The following UNC79 variants were observed in gnomAD, a reference collection of about 807,000 sequenced individuals.
UNC79 encodes the protein protein unc-79 homolog.
A neutral mutation model predicts 283.1 loss-of-function variants in UNC79; 37 were observed. The observed-to-expected ratio is 0.13, with a 90% confidence interval of 0.10 to 0.17. The LOEUF (loss-of-function observed/expected upper bound fraction) is 0.17, where lower values mean the gene tolerates loss of function less well. UNC79 is among the 10% of genes least tolerant of loss of function. The pLI is 1.00. For synonymous variants in UNC79, 1,107 were observed against 1,200.2 expected (o/e 0.92, Z 1.61); for missense variants, 2,272 against 3,211.1 (o/e 0.71, Z 7.07).
intron 1 of UNC79, among the ~76,000 whole-genome samples, chr14:93,367,677 A>T (rs1392943857): frequency 6.6e-6 from 1 of 152,196 alleles, no homozygotes; most frequent in Non-Finnish European, 1.5e-5. Context: ...ATTTTAAAAG[A>T]TTAGTAATCA....
At chr14:93,658,879 C>T (rs1204942131) in intron 38 of UNC79, among the ~76,000 whole-genome samples, 1 of 152,162 alleles carries the variant, frequency 6.6e-6, no homozygotes, top group Non-Finnish European at 1.5e-5. Flanking sequence ...TCCATCCATC[C>T]ATCCACCCAT....
chr14:93,611,470 G>T (rs972708087), intron 26 of UNC79, among the ~76,000 whole-genome samples: 1 of 152,182 alleles, frequency 6.6e-6, no homozygotes, highest in African/African-American at 2.4e-5. Flanking sequence ...GTCTGAACTG[G>T]TAAATTCCGA....
rs374513703 is a variant in UNC79, at chr14:93,706,684, C to T, written c.7591-20C>T. ...CCCGTGAAAAGAAATAAACTAAAAC[C>T]TCTTGCCCTTTTTCGACAGCACTTA... On this transcript the variant is annotated intron_variant, in intron 48 of 48. Transcript: ENST00000555664. 1.8e-5 allele frequency: 29 copies of T among 1,613,750 alleles called. No individual in the cohort carries two copies. In the African/African-American group the frequency reaches 2.1e-4, roughly 12 times the overall value.
At chr14:93,366,617 G>A (rs550994412) in intron 1 of UNC79, among the ~76,000 whole-genome samples, 7 of 150,622 alleles carry the variant, frequency 4.6e-5, no homozygotes, top group African/African-American at 1.7e-4. Flanking sequence ...CTGTCACCCA[G>A]GCTGGAGTAC....
intron 1 of UNC79, among the ~76,000 whole-genome samples, chr14:93,354,324 A>G (rs1386656617): frequency 6.6e-6 from 1 of 152,184 alleles, no homozygotes; most frequent in Non-Finnish European, 1.5e-5. Context: ...AAAATCTGAA[A>G]TCCAAAATGC....
rs150119263 is a variant in UNC79 at position 93,431,503 on chromosome 14, G to GT, written c.22+455dup. Among the ~76,000 whole-genome samples, 763 of 152,058 alleles carry GT rather than the reference G, an allele frequency of 5.0e-3. 7 individuals are homozygous for GT. Among genetic ancestry groups the GT allele is most frequent in the African/African-American group, 0.017 (704 of 41,474 alleles). On this transcript the variant is annotated intron_variant, in intron 1 of 48. Coordinates refer to ENST00000555664, the Ensembl canonical transcript of UNC79. ...TTCTTGGTGCTGGAGCCATAGGGGA[G>GT]TTTGAGTCTGCAGTTTCCACTTCGG... is the stretch of plus-strand genomic sequence containing the variant.
At chr14:93,454,048 CT>C (rs35564821) in intron 1 of UNC79, among the ~76,000 whole-genome samples, 92,246 of 137,054 alleles carry the variant, frequency 0.67, 30,649 homozygotes, top group Middle Eastern at 0.76. Context: ...CTTTTTAAAT[CT>C]TTTTTTTTTT....
At chr14:93,374,437 T>G (rs1454952141) in intron 1 of UNC79, among the ~76,000 whole-genome samples, 1 of 152,246 alleles carries the variant, frequency 6.6e-6, no homozygotes, top group Non-Finnish European at 1.5e-5. Flanking sequence ...GGTTTCCGAC[T>G]TGCTTGGGGC....
chr14:93,539,892 A>C (rs1368101132), intron 12 of UNC79, among the ~76,000 whole-genome samples: 3 of 152,218 alleles, frequency 2.0e-5, no homozygotes, highest in Non-Finnish European at 4.4e-5. Context: ...TAATCTAGCT[A>C]TAACTTACTT....
chr14:93,662,784 T>A (rs1283511118), intron 40 of UNC79, 70 bp downstream of exon 43: 4 of 1,235,166 alleles, frequency 3.2e-6, no homozygotes, highest in East Asian at 2.5e-5. Context: ...TTTGAATCAG[T>A]GTCAAGTCCC....
intron 1 of UNC79, among the ~76,000 whole-genome samples, chr14:93,371,935 T>G (rs2054460667): frequency 6.6e-6 from 1 of 151,790 alleles, no homozygotes; most frequent in Non-Finnish European, 1.5e-5. Context: ...AGAAATAAAC[T>G]CCTATAACCT....
At chr14:93,682,182 A>G (rs2073900591) in intron 41 of UNC79, among the ~76,000 whole-genome samples, 1 of 152,178 alleles carries the variant, frequency 6.6e-6, no homozygotes. Flanking sequence ...CCCTGTGGGG[A>G]AGAAACAGGT....
chr14:93,671,209 T>C (rs865861350), intron 40 of UNC79, among the ~76,000 whole-genome samples: 7 of 152,256 alleles, frequency 4.6e-5, no homozygotes, highest in African/African-American at 1.7e-4. Context: ...AAGATAACAT[T>C]ACAGAAAGTT....
intron 1 of UNC79, among the ~76,000 whole-genome samples, chr14:93,384,648 G>C (rs1394950193): frequency 6.6e-6 from 1 of 152,142 alleles, no homozygotes; most frequent in Non-Finnish European, 1.5e-5. Context: ...CCATTCTGTG[G>C]GTTGTCTCTT....
At chr14:93,600,068 C>T (rs1045574966) in intron 24 of UNC79, among the ~76,000 whole-genome samples, 10 of 152,106 alleles carry the variant, frequency 6.6e-5, no homozygotes, top group Non-Finnish European at 1.2e-4. Flanking sequence ...GGCGTGGTGG[C>T]GGGCGCCTGT....
intron 46 of UNC79, among the ~76,000 whole-genome samples, chr14:93,693,648 A>G (rs1209397041): frequency 1.3e-5 from 2 of 152,180 alleles, no homozygotes; most frequent in Non-Finnish European, 2.9e-5. Context: ...AAAGCCTCGG[A>G]AGCAGATCTG....
chr14:93,422,269 A>G (rs1236689182), intron 1 of UNC79, among the ~76,000 whole-genome samples: 1 of 151,870 alleles, frequency 6.6e-6, no homozygotes, highest in African/African-American at 2.4e-5. Flanking sequence ...CTGATTGGCA[A>G]TTGATTGAAA....
intron 1 of UNC79, among the ~76,000 whole-genome samples, chr14:93,403,703 C>T (rs932903143): frequency 2.0e-5 from 3 of 151,800 alleles, no homozygotes; most frequent in South Asian, 2.1e-4. Context: ...AGGGAAAAAG[C>T]GGATTAAAAA....
At chr14:93,685,325 A>T (rs1478663387) in intron 42 of UNC79, among the ~76,000 whole-genome samples, 1 of 152,254 alleles carries the variant, frequency 6.6e-6, no homozygotes, top group Non-Finnish European at 1.5e-5. Context: ...ATGACATGTG[A>T]AAGGTCAGAG....
Sources: allele counts gnomAD v4.1 joint callset (sites outside exome capture counted in the v4.1 genomes callset), GRCh38; gene constraint gnomAD v4.1.1; transcripts MANE v1.5; gene names NCBI Gene and HGNC (gene_info 2026-07-23, HGNC 2026-07-21).